Variants in CDKL2 observed in about 807,000 individuals in gnomAD.
CDKL2 encodes the protein cyclin-dependent kinase-like 2.
A neutral mutation model predicts 63.9 loss-of-function variants in CDKL2; 64 were observed. The ratio of observed to expected loss-of-function variants is 1.00; its 90% CI spans 0.82 to 1.23. The LOEUF is 1.23. Among genes scored for constraint, CDKL2 ranks in the 50% most tolerant of loss-of-function variants. The pLI, the probability that CDKL2 is intolerant of heterozygous loss-of-function variation, is 0.00. For missense variants in CDKL2, 656 were observed against 668.0 expected (o/e 0.98, Z 0.20); for synonymous variants, 211 against 229.2 (o/e 0.92, Z 0.72).
chr4:75,585,817 C>T (rs1173439532), intron 12 of CDKL2, among the ~76,000 whole-genome samples: 2 of 151,886 alleles, frequency 1.3e-5, no homozygotes, highest in Non-Finnish European at 2.9e-5. Flanking sequence ...ATAGGCAATT[C>T]TACAACATAA....
chr4:75,595,530 C>A (rs550482949), intron 10 of CDKL2, among the ~76,000 whole-genome samples: 1 of 152,110 alleles, frequency 6.6e-6, no homozygotes, highest in South Asian at 2.1e-4. Flanking sequence ...AATACAGCCA[C>A]CAAAAATCTG....
chr4:75,621,179 G>T (rs943202850), intron 2 of CDKL2, among the ~76,000 whole-genome samples: 3 of 150,440 alleles, frequency 2.0e-5, no homozygotes, highest in African/African-American at 2.4e-5. Context: ...CAAGTGATCC[G>T]CCCACCTTGG....
rs1020568510 is a variant in CDKL2 at position 75,605,114 on chromosome 4, G to T, written c.655+408C>A. Among the ~76,000 whole-genome samples the T allele has an allele frequency of 4.6e-5, 7 of 152,372 alleles. No homozygotes were observed. The South Asian group carries it at 1.0e-3, about 23-fold the overall frequency. ...CACGCCTGTAATCCTAGCACTTTGG[G>T]AGGCCAAGGTGGGCAGATCACCTGA... On this transcript the variant is annotated intron_variant, in intron 5 of 13. Coordinates refer to ENST00000307465, the MANE Select transcript of CDKL2 (RefSeq NM_001330724.2).
At chr4:75,591,572 G>A (rs1728715976) in intron 12 of CDKL2, among the ~76,000 whole-genome samples, 1 of 152,128 alleles carries the variant, frequency 6.6e-6, no homozygotes, top group Non-Finnish European at 1.5e-5. Context: ...ACTCCAGCCT[G>A]GGCACCAGAG....
At chr4:75,589,997 A>AG (rs1424277425) in intron 12 of CDKL2, among the ~76,000 whole-genome samples, 2 of 151,308 alleles carry the variant, frequency 1.3e-5, no homozygotes, top group African/African-American at 4.8e-5. Context: ...AAAAAAAAAA[A>AG]GAGGCCAGGT....
rs569289566 is a variant in CDKL2, at chr4:75,621,606, G to C, written c.168+4215C>G. Among the ~76,000 whole-genome samples the C allele has an allele frequency of 3.9e-5, 6 of 152,014 alleles. No individual in the cohort carries two copies. The South Asian group carries it at 1.2e-3, about 32-fold the overall frequency. ...GTGGCTATTCACAGGCATGATCATA[G>C]CACACCACAGTCTCAAACTCCTGGG... is the stretch of plus-strand genomic sequence containing the variant. On this transcript the variant is annotated intron_variant, in intron 2 of 13. Coordinates refer to ENST00000307465, the MANE Select transcript of CDKL2 (RefSeq NM_001330724.2).
chr4:75,617,517 A>C (rs1419949135), intron 2 of CDKL2, among the ~76,000 whole-genome samples: 1 of 152,138 alleles, frequency 6.6e-6, no homozygotes, highest in Non-Finnish European at 1.5e-5. Context: ...AAACCAAAAA[A>C]ACTAAACAAA....
intron 12 of CDKL2, among the ~76,000 whole-genome samples, chr4:75,587,027 C>T (rs772085206): frequency 3.9e-5 from 6 of 152,096 alleles, no homozygotes; most frequent in Non-Finnish European, 8.8e-5. Flanking sequence ...TTAACAATGC[C>T]AAAGGCTTGA....
intron 7 of CDKL2, among the ~76,000 whole-genome samples, chr4:75,599,469 G>A (rs1007308611): frequency 7.2e-6 from 1 of 139,600 alleles, no homozygotes; most frequent in Admixed American, 8.1e-5. Flanking sequence ...GCTGAGGCAA[G>A]AGAATCGCTT....
chr4:75,610,879 G>C (rs960042136), intron 3 of CDKL2, among the ~76,000 whole-genome samples: 1 of 151,986 alleles, frequency 6.6e-6, no homozygotes, highest in Non-Finnish European at 1.5e-5. Flanking sequence ...AGCCACTACC[G>C]TTATTATCTG....
intron 4 of CDKL2, among the ~76,000 whole-genome samples, chr4:75,606,905 C>G (rs1024155878): frequency 1.3e-5 from 2 of 152,192 alleles, no homozygotes; most frequent in African/African-American, 4.8e-5. Context: ...TTTAACCAAT[C>G]AATGTTCACC....
rs1398515935 is a variant in CDKL2, at chr4:75,576,974, A to G, written c.*2228T>C. 1.3e-5 allele frequency among the ~76,000 whole-genome samples: 2 copies of G among 152,190 alleles called. No individual in the cohort carries two copies. The highest frequency in any genetic ancestry group is 6.5e-5 in the Admixed American group (1 of 15,280). ...ATATCACCAGCTATACAAGAAAATTAGCTTGCCATCCCTACATCCAAAGTT... is the reference window on the plus strand; with the variant it reads ...ATATCACCAGCTATACAAGAAAATTGGCTTGCCATCCCTACATCCAAAGTT... On this transcript the variant is annotated 3_prime_UTR_variant, in exon 14 of 14. Transcript: ENST00000307465.
At chr4:75,609,200 T>C (rs1052564825) in intron 3 of CDKL2, among the ~76,000 whole-genome samples, 3 of 152,176 alleles carry the variant, frequency 2.0e-5, no homozygotes, top group Non-Finnish European at 4.4e-5. Flanking sequence ...CACCCAAGTA[T>C]AGACATTCAT....
chr4:75,587,023 AT>A (rs1728507343), intron 12 of CDKL2, among the ~76,000 whole-genome samples: 1 of 152,238 alleles, frequency 6.6e-6, no homozygotes, highest in South Asian at 2.1e-4. Flanking sequence ...GAAATTAACA[AT>A]GCCAAAGGCT....
intron 6 of CDKL2, among the ~76,000 whole-genome samples, chr4:75,602,384 T>C (rs1043246210): frequency 2.0e-5 from 3 of 152,178 alleles, no homozygotes; most frequent in Non-Finnish European, 4.4e-5. Context: ...TTCACCATCT[T>C]GGCCAGGATG....
rs1026769033 is a variant in CDKL2, at chr4:75,577,281, A to G, written c.*1921T>C. Among the ~76,000 whole-genome samples, 4 of 152,134 alleles carry G rather than the reference A, an allele frequency of 2.6e-5. No individual in the cohort carries two copies. The highest frequency in any genetic ancestry group is 4.8e-5 in the African/African-American group (2 of 41,444). The stretch of plus-strand genomic sequence containing the variant: ...AAAGGATCATTTTGGTTCAATATCT[A>G]TTATTGTTGATTATGTAATCTTGTT... On this transcript the variant is annotated 3_prime_UTR_variant, in exon 14 of 14. Coordinates refer to ENST00000307465, the MANE Select transcript of CDKL2 (RefSeq NM_001330724.2).
intron 12 of CDKL2, among the ~76,000 whole-genome samples, chr4:75,584,516 G>A (rs1253610479): frequency 6.6e-6 from 1 of 152,108 alleles, no homozygotes; most frequent in Non-Finnish European, 1.5e-5. Flanking sequence ...AAGCAGCTGT[G>A]CCCTAGCTCC....
chr4:75,624,546 G>A (rs1730308289), intron 2 of CDKL2, among the ~76,000 whole-genome samples: 1 of 146,882 alleles, frequency 6.8e-6, no homozygotes, highest in African/African-American at 2.5e-5. Flanking sequence ...GCAAGACCCT[G>A]TCTCAAAAAA....
At chr4:75,627,658 G>GA (rs1259127555) in intron 1 of CDKL2, among the ~76,000 whole-genome samples, 3 of 150,102 alleles carry the variant, frequency 2.0e-5, no homozygotes, top group African/African-American at 7.4e-5. Context: ...CACTTAATTG[G>GA]AAAAAATATT....
Sources: allele counts gnomAD v4.1 joint callset (sites outside exome capture counted in the v4.1 genomes callset), GRCh38; gene constraint gnomAD v4.1.1; transcripts MANE v1.5; gene names NCBI Gene and HGNC (gene_info 2026-07-23, HGNC 2026-07-21).